Variants in SNX7 observed in about 807,000 individuals in gnomAD.
SNX7 encodes sorting nexin 7.
In SNX7, 35 loss-of-function variants were observed where a neutral mutation model predicts 48.4. The observed-to-expected ratio is 0.72, with a 90% CI of 0.55 to 0.96. SNX7 has a LOEUF of 0.96. SNX7 is among the 40% of genes least tolerant of loss of function. The pLI, the probability that SNX7 is intolerant of heterozygous loss-of-function variation, is 0.00. For synonymous variants in SNX7, 190 were observed against 190.2 expected, an observed-to-expected ratio of 1.00 and a Z score of 0.01; for missense variants, 553 against 548.9, an observed-to-expected ratio of 1.01 and a Z score of -0.07.
At position 98,738,087 on chromosome 1, in the gene SNX7, T is replaced by G; in HGVS notation, c.1126-150T>G. 3.9e-6 allele frequency: 3 copies of G among 761,410 alleles called. No individual in the cohort carries two copies. The South Asian group carries it at 6.0e-5, about 15-fold the overall frequency. 47.2% of individuals were successfully genotyped at this position (761,410 alleles called of 1,614,324 possible). On this transcript the variant is annotated intron_variant, in intron 7 of 8. Coordinates refer to ENST00000306121, the MANE Select transcript of SNX7 (RefSeq NM_015976.5). ...GACTGAACCCCTGTTCTTTTTACTT[T>G]AATTAGTACACAGAGTAAATACTGG...
At chr1:98,677,744 G>C (rs997692639) in intron 1 of SNX7, among the ~76,000 whole-genome samples, 1 of 151,998 alleles carries the variant, frequency 6.6e-6, no homozygotes, top group South Asian at 2.1e-4. Context: ...CAGGCGTGGT[G>C]GCAGGCACCT....
chr1:98,710,766 G>A (rs893114656), intron 7 of SNX7, among the ~76,000 whole-genome samples: 1 of 152,146 alleles, frequency 6.6e-6, no homozygotes, highest in Non-Finnish European at 1.5e-5. Context: ...AATGCTTAGA[G>A]CAGTAACACA....
At chr1:98,679,764 C>G (rs1404316310) in intron 1 of SNX7, among the ~76,000 whole-genome samples, 1 of 152,192 alleles carries the variant, frequency 6.6e-6, no homozygotes, top group African/African-American at 2.4e-5. Context: ...CACACTGATG[C>G]AAGAGGTGGG....
At chr1:98,754,381 T>C (rs1654743071) in intron 8 of SNX7, among the ~76,000 whole-genome samples, 1 of 152,058 alleles carries the variant, frequency 6.6e-6, no homozygotes, top group South Asian at 2.1e-4. Context: ...ATGTCTTCAA[T>C]TTTCTGGAAG....
At chr1:98,675,634 G>A (rs1392381403) in intron 1 of SNX7, among the ~76,000 whole-genome samples, 5 of 152,298 alleles carry the variant, frequency 3.3e-5, no homozygotes, top group South Asian at 2.1e-4. Context: ...GCCAAAGCAC[G>A]TTTGTACGTA....
At chr1:98,689,418 C>G (rs913388303) in intron 2 of SNX7, among the ~76,000 whole-genome samples, 2 of 152,142 alleles carry the variant, frequency 1.3e-5, no homozygotes, top group Admixed American at 1.3e-4. Context: ...CTGTTTTCTT[C>G]TTCTGTTGCA....
intron 7 of SNX7, among the ~76,000 whole-genome samples, chr1:98,734,275 A>G (rs918265243): frequency 6.6e-6 from 1 of 152,062 alleles, no homozygotes; most frequent in Admixed American, 6.6e-5. Flanking sequence ...TATGTATCCC[A>G]TTCTACTTTT....
intron 7 of SNX7, among the ~76,000 whole-genome samples, chr1:98,736,217 G>A (rs890952038): frequency 8.5e-5 from 13 of 152,266 alleles, no homozygotes; most frequent in African/African-American, 2.9e-4. Flanking sequence ...CTATGCCATT[G>A]CATGGCAATT....
intron 1 of SNX7, among the ~76,000 whole-genome samples, chr1:98,664,801 G>C (rs1649449627): frequency 6.6e-6 from 1 of 152,012 alleles, no homozygotes; most frequent in South Asian, 2.1e-4. Context: ...GAATGCAGAG[G>C]ACATTGATTT....
At chr1:98,743,041 A>G (rs1654149270) in intron 8 of SNX7, among the ~76,000 whole-genome samples, 1 of 151,778 alleles carries the variant, frequency 6.6e-6, no homozygotes, top group Non-Finnish European at 1.5e-5. Context: ...AAAAATAATT[A>G]TAAATATTAG....
rs192260247 is a variant in SNX7 at position 98,715,217 on chromosome 1, G to A, written c.1125+13314G>A. On this transcript the variant is annotated intron_variant, in intron 7 of 8. Coordinates refer to ENST00000306121, the MANE Select transcript of SNX7 (RefSeq NM_015976.5). ...CTTTCATCTTCCCTTAACTTTCATG[G>A]CCATTCTACATTTGAAGATTATTTT... Among the ~76,000 whole-genome samples, 7 of 151,964 alleles carry A rather than the reference G, an allele frequency of 4.6e-5. No individual in the cohort carries two copies. In the East Asian group the frequency reaches 1.4e-3, roughly 29 times the overall value.
chr1:98,702,526 C>A (rs989069004), intron 7 of SNX7, among the ~76,000 whole-genome samples: 1 of 151,978 alleles, frequency 6.6e-6, no homozygotes, highest in African/African-American at 2.4e-5. Flanking sequence ...AAAGCAAATT[C>A]TAGATATAGA....
chr1:98,670,870 TTTTATTTATTTA>T (rs71075409), intron 1 of SNX7, among the ~76,000 whole-genome samples: 6 of 151,050 alleles, frequency 4.0e-5, no homozygotes, highest in Admixed American at 1.3e-4. Flanking sequence ...AGACAGTGAG[TTTTATTTATTTA>T]TTTATTTATT....
chr1:98,684,997 T>A lies in SNX7; in HGVS notation c.293T>A (p.Ile98Asn). ...GAACCAGATTTAAAGGATCTCTTCA[T>A]CACAGTTGATGAACCTGAAAGTCAT... ...EDEPDLKDLF[I>N]TVDEPESHVT... is the part of the protein sequence containing the mutation. Residue 98 changes from isoleucine to asparagine, a missense_variant, in exon 2 of 9, where the codon ATC (isoleucine) becomes AAC (asparagine). Physicochemically the swap from Ile to Asn is moderately radical, Grantham distance 149. Coordinates refer to ENST00000306121, the MANE Select transcript of SNX7 (RefSeq NM_015976.5). 6.3e-7 allele frequency: 1 copy of A among 1,596,382 alleles called. No individual in the cohort carries two copies. The highest frequency in any genetic ancestry group is 1.2e-5 in the South Asian group (1 of 86,342).
chr1:98,731,271 A>G (rs770070026), intron 7 of SNX7, among the ~76,000 whole-genome samples: 2 of 152,030 alleles, frequency 1.3e-5, no homozygotes, highest in Non-Finnish European at 2.9e-5. Context: ...CAAGTGCCTC[A>G]AGGAACTATG....
At chr1:98,698,079 A>C (rs1254879227) in intron 5 of SNX7, among the ~76,000 whole-genome samples, 1 of 152,162 alleles carries the variant, frequency 6.6e-6, no homozygotes, top group Admixed American at 6.5e-5. Flanking sequence ...TTTAGCTACA[A>C]AGAGTCAATG....
intron 7 of SNX7, among the ~76,000 whole-genome samples, chr1:98,728,320 T>G (rs756499312): frequency 6.6e-6 from 1 of 152,172 alleles, no homozygotes; most frequent in Non-Finnish European, 1.5e-5. Flanking sequence ...AAAATCCTTT[T>G]CAGACAAGCA....
intron 1 of SNX7, among the ~76,000 whole-genome samples, chr1:98,677,771 G>C (rs572496579): frequency 6.6e-6 from 1 of 151,726 alleles, no homozygotes; most frequent in South Asian, 2.1e-4. Flanking sequence ...CCAGCTACTC[G>C]GGAGTCTGAC....
chr1:98,671,063 C>T (rs1027079047), intron 1 of SNX7, among the ~76,000 whole-genome samples: 1 of 152,168 alleles, frequency 6.6e-6, no homozygotes, highest in Non-Finnish European at 1.5e-5. Flanking sequence ...TCATAGCCTG[C>T]TGTAGTTTTA....
Sources: gnomAD v4.1 joint callset for allele counts (sites outside exome capture counted in the v4.1 genomes callset) on GRCh38, gnomAD v4.1.1 for gene constraint, MANE v1.5 for transcripts, NCBI Gene and HGNC (gene_info 2026-07-23, HGNC 2026-07-21) for gene names.